BTBD8: variants seen among roughly 807,000 people sequenced by gnomAD.
BTBD8 encodes BTB domain containing 8.
A neutral mutation model predicts 162.9 loss-of-function variants in BTBD8; 110 were observed. That is an observed-to-expected ratio of 0.68 (90% CI 0.58 to 0.79). The LOEUF (loss-of-function observed/expected upper bound fraction) is 0.79. Among genes scored for constraint, BTBD8 ranks in the 30% least tolerant of loss-of-function variants. BTBD8 has a pLI of 0.00. For synonymous variants in BTBD8, 667 were observed against 716.1 expected (o/e 0.93, Z 1.10); for missense variants, 1,905 against 2,085.4 (o/e 0.91, Z 1.68).
intron 2 of BTBD8, among the ~76,000 whole-genome samples, chr1:92,091,641 C>G (rs1648307786): frequency 6.6e-6 from 1 of 152,110 alleles, no homozygotes; most frequent in Admixed American, 6.5e-5. Flanking sequence ...CGCCATTCTC[C>G]TGCCTCAGCC....
chr1:92,153,043 A>C (rs1650082506), intron 9 of BTBD8, among the ~76,000 whole-genome samples: 1 of 152,212 alleles, frequency 6.6e-6, no homozygotes, highest in African/African-American at 2.4e-5. Context: ...TGTTACCCAG[A>C]AAGAGCAAGC....
intron 2 of BTBD8, among the ~76,000 whole-genome samples, chr1:92,097,527 T>G (rs1221559519): frequency 2.0e-5 from 3 of 152,182 alleles, no homozygotes; most frequent in Non-Finnish European, 4.4e-5. Flanking sequence ...CCCATAGCCA[T>G]TAGCAGCCAC....
chr1:92,097,579 T>A lies in BTBD8; in HGVS notation c.348-4894T>A, dbSNP rs560491092. On this transcript the variant is annotated intron_variant, in intron 2 of 17. Coordinates refer to ENST00000636805, the MANE Select transcript of BTBD8 (RefSeq NM_001376131.1). The stretch of plus-strand genomic sequence containing the variant: ...AGCCAGCCCCTGGTGAACAACCTAC[T>A]TTCTGTCTTTAAGGATTTGCCTATT... 3.3e-5 allele frequency among the ~76,000 whole-genome samples: 5 copies of A among 152,318 alleles called. No individual in the cohort carries two copies. The South Asian group carries it at 1.0e-3, about 32-fold the overall frequency.
rs12037406 is a variant in BTBD8 at position 92,159,621 on chromosome 1, T to C, written c.1123-7337T>C. ...GGTGATGAATTTTCTCGGCTTTTGT[T>C]TGTCTTTATCTTTGCCTCATTTTTG... On this transcript the variant is annotated intron_variant, in intron 9 of 17. Coordinates refer to ENST00000636805, the MANE Select transcript of BTBD8 (RefSeq NM_001376131.1). 8.1e-4 allele frequency among the ~76,000 whole-genome samples: 124 copies of C among 152,338 alleles called. No homozygotes were observed. In the East Asian group the frequency reaches 0.023, roughly 28 times the overall value.
rs34856868 is a variant in BTBD8 at position 92,088,726 on chromosome 1, G to A, written c.178G>A (p.Val60Ile). 39,654 of 1,610,170 alleles carry A rather than the reference G, an allele frequency of 0.025. 609 individuals carry two copies. Among genetic ancestry groups the A allele is most frequent in the Non-Finnish European group, 0.029 (34,339 of 1,177,880 alleles). Residue 60 changes from valine (V) to isoleucine (I), a missense_variant, in exon 2 of 18, where the codon GTT becomes ATT. Physicochemically the swap from Val to Ile is conservative, Grantham distance 29. Around this residue, in one of 3 missense-constraint regions of BTBD8, gnomAD observed 1,374 missense variants for 1,442.7 expected, o/e 0.95. Transcript: ENST00000636805. ...TCTAAGGGAAGAATTCCATACAGAT[G>A]TTACCTTCTCTGTGGGTTGTACTTT... Reference protein sequence around the residue: ...RLLREEFHTDVTFSVGCTLFK... With the variant: ...RLLREEFHTDITFSVGCTLFK...
At chr1:92,160,474 G>A (rs1330992247) in intron 9 of BTBD8, among the ~76,000 whole-genome samples, 1 of 151,880 alleles carries the variant, frequency 6.6e-6, no homozygotes, top group Non-Finnish European at 1.5e-5. Context: ...TCATGGACTG[G>A]CCTCATACAG....
At chr1:92,088,163 ACC>A (rs1374854782) in intron 1 of BTBD8, among the ~76,000 whole-genome samples, 2 of 152,154 alleles carry the variant, frequency 1.3e-5, no homozygotes, top group Non-Finnish European at 2.9e-5. Context: ...TGACAGCCAC[ACC>A]TGGATTTCAG....
chr1:92,114,679 C>G (rs1648987263), intron 4 of BTBD8: 2 of 159,744 alleles, frequency 1.3e-5, no homozygotes, highest in African/African-American at 2.4e-5. Context: ...GTCTGGTGTA[C>G]AAACTGTGAG....
At position 92,181,511 on chromosome 1, in the gene BTBD8, T is replaced by C; in HGVS notation, c.3828T>C (p.Asp1276=). Residue 1276 remains aspartate (D), a synonymous_variant, in exon 17 of 18, where the codon GAT becomes GAC. Transcript: ENST00000636805. ...SEDYDAGGSQ[D]DDGSNDRGIS... Reference sequence around the variant, plus strand: ...ACTATGATGCTGGAGGGTCTCAGGATGATGATGGGTCAAATGACAGAGGTA... The same window carrying C: ...ACTATGATGCTGGAGGGTCTCAGGACGATGATGGGTCAAATGACAGAGGTA... 3 of 1,551,706 alleles carry C rather than the reference T, an allele frequency of 1.9e-6. No homozygotes were observed. The highest frequency in any genetic ancestry group is 1.4e-5 in the African/African-American group (1 of 73,154).
intron 3 of BTBD8, among the ~76,000 whole-genome samples, chr1:92,105,134 G>A (rs976596730): frequency 3.9e-5 from 6 of 152,106 alleles, no homozygotes; most frequent in Admixed American, 1.3e-4. Flanking sequence ...GTGTTTCACC[G>A]TGTTAGCCAG....
intron 9 of BTBD8, among the ~76,000 whole-genome samples, chr1:92,164,685 G>A (rs1036403857): frequency 4.1e-5 from 6 of 146,186 alleles, no homozygotes; most frequent in Non-Finnish European, 6.1e-5. Flanking sequence ...TTCACATGGC[G>A]GGGTCTTGCT....
chr1:92,126,061 A>G (rs182158953), intron 4 of BTBD8: 1 of 489,238 alleles, frequency 2.0e-6, no homozygotes, highest in Non-Finnish European at 4.1e-6. Flanking sequence ...TGGAAGATGT[A>G]TGAGGAATTC....
At position 92,129,728 on chromosome 1, in the gene BTBD8, T is replaced by G. The variant is rs941566890; in HGVS notation, c.704T>G (p.Leu235Arg). 2 of 1,614,190 alleles carry G rather than the reference T, an allele frequency of 1.2e-6. No individual in the cohort carries two copies. The highest frequency in any genetic ancestry group is 1.7e-6 in the Non-Finnish European group (2 of 1,180,026). Residue 235 changes from leucine to arginine, a missense_variant, in exon 5 of 18, where the codon CTG becomes CGG. Physicochemically the swap from Leu to Arg is moderately radical, Grantham distance 102. Transcript: ENST00000636805. Reference sequence around the variant, plus strand: ...AGATCTAGTTATTTTGCTGCAATGCTGAGTGGCTGTTGGGCTGAAAGCTCC... The same window carrying G: ...AGATCTAGTTATTTTGCTGCAATGCGGAGTGGCTGTTGGGCTGAAAGCTCC... ...SARSSYFAAM[L>R]SGCWAESSQE... is the part of the protein sequence containing the mutation.
rs71586734 is a variant in BTBD8, at chr1:92,127,552, T to TTTTG, written c.663-2099_663-2096dup. 5.2e-3 allele frequency among the ~76,000 whole-genome samples: 784 copies of TTTTG among 150,044 alleles called. 5 individuals are homozygous for TTTTG. Among genetic ancestry groups the TTTTG allele is most frequent in the Non-Finnish European group, 8.0e-3 (538 of 67,420 alleles). On this transcript the variant is annotated intron_variant, in intron 4 of 17. Coordinates refer to ENST00000636805, the MANE Select transcript of BTBD8 (RefSeq NM_001376131.1). ...CACTGGGACATGAGATTTTGGAAGTTTTTGTTTGTTTGTTTGTTTGTTTGT... is the reference window on the plus strand; with the variant it reads ...CACTGGGACATGAGATTTTGGAAGTTTTTGTTTGTTTGTTTGTTTGTTTGTTTGT...
At chr1:92,150,026 C>G (rs912331290) in intron 9 of BTBD8, among the ~76,000 whole-genome samples, 1 of 152,138 alleles carries the variant, frequency 6.6e-6, no homozygotes, top group South Asian at 2.1e-4. Context: ...TTTAAGCAGC[C>G]CCTACAGTTG....
intron 9 of BTBD8, among the ~76,000 whole-genome samples, chr1:92,165,587 A>G (rs1231904563): frequency 6.6e-6 from 1 of 152,166 alleles, no homozygotes; most frequent in Non-Finnish European, 1.5e-5. Flanking sequence ...AGATTTATCA[A>G]TGATCTATTG....
Position 92,181,721 on chromosome 1 carries a change from G to C in BTBD8, c.4038G>C (p.Arg1346Ser), listed in dbSNP as rs1301902969. Residue 1346 changes from arginine (R) to serine (S), a missense_variant, in exon 17 of 18, where the codon AGG becomes AGC. Arg to Ser is a moderately radical substitution (Grantham distance 110). Coordinates refer to ENST00000636805, the MANE Select transcript of BTBD8 (RefSeq NM_001376131.1). ...STSDDEIPRK[R>S]PEIWSRSAIV... is the part of the protein sequence containing the mutation. Reference sequence around the variant, plus strand: ...GTGATGATGAAATCCCTAGGAAAAGGCCAGAAATTTGGTCTCGATCTGCAA... The same window carrying C: ...GTGATGATGAAATCCCTAGGAAAAGCCCAGAAATTTGGTCTCGATCTGCAA... 1 of 1,551,378 alleles carries C rather than the reference G, an allele frequency of 6.4e-7. No individual in the cohort carries two copies. Among genetic ancestry groups the C allele is most frequent in the South Asian group, 1.2e-5 (1 of 84,058 alleles).
chr1:92,087,592 C>T (rs373898617), intron 1 of BTBD8, among the ~76,000 whole-genome samples: 21 of 152,006 alleles, frequency 1.4e-4, no homozygotes, highest in Middle Eastern at 3.4e-3. Context: ...AGTTTTTGTC[C>T]GTGGGGAGTT....
intron 4 of BTBD8, among the ~76,000 whole-genome samples, chr1:92,110,993 C>CTT (rs796699216): frequency 2.1e-5 from 3 of 143,144 alleles, no homozygotes; most frequent in Middle Eastern, 3.6e-3. Context: ...GCAGTCATTC[C>CTT]TTTTTTTTTT....
Sources: allele counts gnomAD v4.1 joint callset (sites outside exome capture counted in the v4.1 genomes callset), GRCh38; gene constraint gnomAD v4.1.1; regional missense constraint gnomAD v4.1.1; transcripts MANE v1.5; gene names NCBI Gene and HGNC (gene_info 2026-07-23, HGNC 2026-07-21).